The following ADGRV1 variants were observed in gnomAD, a reference collection of about 807,000 sequenced individuals.
ADGRV1 encodes G-protein coupled receptor 98.
Under a neutral mutation model 596.2 loss-of-function variants are expected in ADGRV1, and 359 were observed. The observed-to-expected ratio is 0.60, with a 90% CI of 0.55 to 0.66. The LOEUF (loss-of-function observed/expected upper bound fraction) is 0.66. Ranked by LOEUF, ADGRV1 falls within the 30% of genes least tolerant of loss-of-function variation. ADGRV1 has a pLI of 0.00. For missense variants in ADGRV1, 7,274 were observed against 7,575.6 expected (o/e 0.96, Z 1.48); for synonymous variants, 2,681 against 2,679.2 (o/e 1.00, Z -0.02).
chr5:90,834,950 CTCCTTCCT>C (rs201245514), intron 77 of ADGRV1, among the ~76,000 whole-genome samples: 1 of 119,376 alleles, frequency 8.4e-6, no homozygotes, highest in African/African-American at 3.1e-5. Flanking sequence ...CTTTTTCTTT[CTCCTTCCT>C]TCCTTCCTTA....
chr5:90,609,573 G>A lies in ADGRV1; in HGVS notation c.23-5262G>A, dbSNP rs1471027650. Among the ~76,000 whole-genome samples, 4 of 151,842 alleles carry A rather than the reference G, an allele frequency of 2.6e-5. No homozygotes were observed. In the South Asian group the frequency reaches 8.3e-4, roughly 32 times the overall value. On this transcript the variant is annotated intron_variant, in intron 1 of 89. Transcript: ENST00000405460. Reference sequence around the variant, plus strand: ...AAATAAGACAGATTAAGAATGCTTAGAAGCTGAATAATTGATGATAGGAAT... The same window carrying A: ...AAATAAGACAGATTAAGAATGCTTAAAAGCTGAATAATTGATGATAGGAAT...
intron 85 of ADGRV1, chr5:91,031,264 A>G (rs1784459531): frequency 6.3e-7 from 1 of 1,587,424 alleles, no homozygotes; most frequent in Non-Finnish European, 8.6e-7. Context: ...AATGTGTTCC[A>G]AGGCCAGCCT....
rs770931214 is a variant in ADGRV1, at chr5:90,805,308, C to G, written c.14686C>G (p.Gln4896Glu). 6.2e-7 allele frequency: 1 copy of G among 1,612,188 alleles called. No homozygotes were observed. The highest frequency in any genetic ancestry group is 8.5e-7 in the Non-Finnish European group (1 of 1,178,526). Reference sequence around the variant, plus strand: ...GGTCGGATTTGAATCCACTGCTTTTCAACTCATGAACATCACTGCTGGCAC... The same window carrying G: ...GGTCGGATTTGAATCCACTGCTTTTGAACTCATGAACATCACTGCTGGCAC... Reference protein sequence around the residue: ...SQVGFESTAFQLMNITAGTSH... With the variant: ...SQVGFESTAFELMNITAGTSH... The change falls in exon 72 of 90, where the codon CAA becomes GAA. Residue 4896 changes from glutamine (Q) to glutamate (E), a missense_variant. This residue lies in a region of ADGRV1 where 1,874 missense variants were observed against 1,970.2 expected (regional missense o/e 0.95). Coordinates refer to ENST00000405460, the MANE Select transcript of ADGRV1 (RefSeq NM_032119.4).
chr5:90,898,531 C>G (rs894954900), intron 83 of ADGRV1, among the ~76,000 whole-genome samples: 1 of 152,148 alleles, frequency 6.6e-6, no homozygotes, highest in Admixed American at 6.6e-5. Context: ...ACTTTCATAG[C>G]AAATATCATC....
At chr5:91,046,844 A>G (rs1303262318) in intron 85 of ADGRV1, among the ~76,000 whole-genome samples, 1 of 152,186 alleles carries the variant, frequency 6.6e-6, no homozygotes, top group Non-Finnish European at 1.5e-5. Flanking sequence ...TCCCATCCAA[A>G]AGTGGGCTAA....
At chr5:90,825,105 T>A (rs574393783) in intron 76 of ADGRV1, among the ~76,000 whole-genome samples, 1 of 152,198 alleles carries the variant, frequency 6.6e-6, no homozygotes, top group Admixed American at 6.5e-5. Context: ...CCCAACTAAT[T>A]TTTGTATTTT....
intron 83 of ADGRV1, among the ~76,000 whole-genome samples, chr5:90,940,515 A>T (rs188639749): frequency 1.3e-5 from 2 of 152,380 alleles, no homozygotes; most frequent in East Asian, 1.9e-4. Context: ...AATTGTAAAC[A>T]TATATGCACT....
intron 73 of ADGRV1, 149 bp downstream of exon 73, chr5:90,807,886 G>C (rs749369329): frequency 3.0e-6 from 2 of 665,288 alleles, no homozygotes; most frequent in Non-Finnish European, 4.4e-6. Context: ...GTGCATGCTG[G>C]AGAGGGAGGT....
intron 86 of ADGRV1, among the ~76,000 whole-genome samples, chr5:91,101,593 C>A (rs1791380146): frequency 6.6e-6 from 1 of 152,156 alleles, no homozygotes; most frequent in Non-Finnish European, 1.5e-5. Context: ...GTAATAAAGT[C>A]CCTTGGCCCT....
chr5:90,875,157 C>T (rs1769110295), intron 83 of ADGRV1, among the ~76,000 whole-genome samples: 1 of 152,200 alleles, frequency 6.6e-6, no homozygotes, highest in South Asian at 2.1e-4. Context: ...TTCACCACTG[C>T]ACTCTAGCCT....
intron 71 of ADGRV1, 92 bp downstream of exon 71, chr5:90,802,974 G>T (rs1027271466): frequency 1.8e-5 from 18 of 1,014,436 alleles, no homozygotes; most frequent in Non-Finnish European, 2.4e-5. Flanking sequence ...AATTTCTCAT[G>T]AGTAACTATT....
At chr5:90,751,053 C>A (rs1755192758) in intron 53 of ADGRV1, among the ~76,000 whole-genome samples, 1 of 152,136 alleles carries the variant, frequency 6.6e-6, no homozygotes, top group Admixed American at 6.5e-5. Context: ...AAGTAGGGAA[C>A]AAGTCTGTGT....
At chr5:90,627,899 C>A in intron 7 of ADGRV1, 123 bp downstream of exon 7, 31 of 449,376 alleles carry the variant, frequency 6.9e-5, no homozygotes, top group Middle Eastern at 6.1e-4. Context: ...CACAAAGTTT[C>A]ATGACAAACT....
At chr5:90,811,465 GTGT>G (rs1561783853) in intron 74 of ADGRV1, 127 bp downstream of exon 74, 1 of 909,122 alleles carries the variant, frequency 1.1e-6, no homozygotes, top group Non-Finnish European at 1.6e-6. Context: ...ATGCATTAAA[GTGT>G]TGTTTTTCTG....
At chr5:90,855,221 A>G (rs1766913657) in intron 81 of ADGRV1, among the ~76,000 whole-genome samples, 1 of 152,220 alleles carries the variant, frequency 6.6e-6, no homozygotes, top group East Asian at 1.9e-4. Context: ...TAAAGGAAAC[A>G]CTTTTAAGAA....
intron 50 of ADGRV1, among the ~76,000 whole-genome samples, chr5:90,733,928 C>G (rs1354995551): frequency 1.3e-5 from 2 of 152,160 alleles, no homozygotes; most frequent in East Asian, 3.8e-4. Context: ...TTCCCATTCT[C>G]TTGCTCTTCC....
chr5:91,093,041 G>T (rs1235880814), intron 86 of ADGRV1, among the ~76,000 whole-genome samples: 2 of 152,132 alleles, frequency 1.3e-5, no homozygotes, highest in African/African-American at 4.8e-5. Flanking sequence ...TAGCACAGTA[G>T]GTATTCAATA....
Position 91,163,782 on chromosome 5 carries a change from G to A in ADGRV1, c.18803G>A (p.Gly6268Asp), listed in dbSNP as rs1246740079. The change falls in exon 90 of 90, where the codon GGT (glycine) becomes GAT (aspartate). Residue 6268 changes from glycine to aspartate, a missense_variant and splice_region_variant. Transcript: ENST00000405460. ...FDDLIFALKT[G>D]AGLSVSDNES... ...TGTGTTCATTCTATTTCTGTGGCAG[G>A]TGCTGGTCTCAGTGTCAGTGATAAT... 1 of 1,428,674 alleles carries A rather than the reference G, an allele frequency of 7.0e-7. No individual in the cohort carries two copies. Among genetic ancestry groups the A allele is most frequent in the East Asian group, 2.3e-5 (1 of 42,958 alleles). 88.5% of individuals were successfully genotyped at this position (1,428,674 alleles called of 1,614,324 possible).
intron 82 of ADGRV1, among the ~76,000 whole-genome samples, chr5:90,861,412 C>T (rs1314136397): frequency 1.3e-5 from 2 of 152,002 alleles, no homozygotes; most frequent in East Asian, 1.9e-4. Flanking sequence ...AGGATTCAAG[C>T]GATTCTCCTG....
Sources: gnomAD v4.1 joint callset for allele counts (sites outside exome capture counted in the v4.1 genomes callset) on GRCh38, gnomAD v4.1.1 for gene constraint, gnomAD v4.1.1 regional missense constraint, MANE v1.5 for transcripts, NCBI Gene and HGNC (gene_info 2026-07-23, HGNC 2026-07-21) for gene names.